RAPSN: variants seen among roughly 807,000 people sequenced by gnomAD.
The protein encoded by RAPSN is receptor associated protein of the synapse, also known as 43 kDa receptor-associated protein of the synapse.
RAPSN carries 33 observed loss-of-function variants against 45.7 expected under a neutral mutation model. That is an observed-to-expected ratio of 0.72 (90% CI 0.55 to 0.97). The LOEUF is 0.97. RAPSN is among the 50% of genes least tolerant of loss of function. The pLI is 0.00. For synonymous variants in RAPSN, 244 were observed against 233.6 expected (o/e 1.04, Z -0.40); for missense variants, 519 against 559.4 (o/e 0.93, Z 0.73).
chr11:47,439,005 C>A (rs1565682318), intron 6 of RAPSN, 74 bp from the exon 7 acceptor site: 13 of 1,472,474 alleles, frequency 8.8e-6, no homozygotes, highest in Non-Finnish European at 1.1e-5. Context: ...CCGGTCTCAG[C>A]CACTTCCCTG....
Position 47,438,836 on chromosome 11 carries a change from C to G in RAPSN, c.1062G>C (p.Glu354Asp), listed in dbSNP as rs373648358. Residue 354 changes from glutamate (E) to aspartate (D), a missense_variant, in exon 7 of 8, where the codon GAG (glutamate) becomes GAC (aspartate). Physicochemically the swap from Glu to Asp is conservative, Grantham distance 45. Coordinates refer to ENST00000298854, the MANE Select transcript of RAPSN (RefSeq NM_005055.5). ...ELRAHVVRFH[E>D]CVEETELYCG... ...AGTAGAGCTCCGTCTCCTCCACGCA[C>G]TCGTGGAACCTCACAACGTGCGCCC... The G allele has an allele frequency of 8.9e-6, 14 of 1,573,158 alleles. 1 individual carries two copies. Among genetic ancestry groups the G allele is most frequent in the Non-Finnish European group, 1.1e-5 (13 of 1,158,570 alleles).
chr11:47,441,541 C>T lies in RAPSN; in HGVS notation c.912+70G>A, dbSNP rs770067884. 44 of 1,594,614 alleles carry T rather than the reference C, an allele frequency of 2.8e-5. No individual in the cohort carries two copies. In the African/African-American group the frequency reaches 3.9e-4, roughly 14 times the overall value. On this transcript the variant is annotated intron_variant, in intron 5 of 7. Transcript: ENST00000298854. ...CGTCAGACAAAGTGGCTGAAAGAGC[C>T]GGCTAACCTACTGGCCCCAAGTGGG...
Position 47,442,665 on chromosome 11 carries a change from C to G in RAPSN, c.681G>C (p.Glu227Asp). ...TTCCCCGCTGCCCCACCTCACAACA[C>G]TCCATGGCACTGCCCAGGCGGCCCA... ...RLLGRLGSAMECCEESMKIAL... is the reference protein window; with the variant it reads ...RLLGRLGSAMDCCEESMKIAL... Residue 227 changes from glutamate (E) to aspartate (D), a missense_variant, in exon 3 of 8, where the codon GAG (glutamate) becomes GAC (aspartate). Physicochemically the swap from Glu to Asp is conservative, Grantham distance 45. Transcript: ENST00000298854. 6.2e-7 allele frequency: 1 copy of G among 1,614,158 alleles called. No homozygotes were observed. Among genetic ancestry groups the G allele is most frequent in the Non-Finnish European group, 8.5e-7 (1 of 1,180,018 alleles).
chr11:47,438,545 AC>A (rs2076332816), intron 7 of RAPSN, 186 bp downstream of exon 7: 1 of 639,538 alleles, frequency 1.6e-6, no homozygotes, highest in African/African-American at 1.9e-5. Context: ...ATGATCTTGA[AC>A]CCCGGGGCTC....
At chr11:47,440,861 C>A (rs1297077576) in intron 6 of RAPSN, among the ~76,000 whole-genome samples, 1 of 152,150 alleles carries the variant, frequency 6.6e-6, no homozygotes, top group Non-Finnish European at 1.5e-5. Flanking sequence ...CTCGGCCTCC[C>A]AAAATTCTAG....
chr11:47,446,539 T>G (rs891539207), intron 2 of RAPSN, among the ~76,000 whole-genome samples: 1 of 152,038 alleles, frequency 6.6e-6, no homozygotes, highest in African/African-American at 2.4e-5. Context: ...TTATTAAGCA[T>G]CTACTGGGGC....
At position 47,448,887 on chromosome 11, in the gene RAPSN, C is replaced by T. The variant is rs750811979; in HGVS notation, c.78G>A (p.Leu26=). 5 of 1,614,260 alleles carry T rather than the reference C, an allele frequency of 3.1e-6. No individual in the cohort carries two copies. Among genetic ancestry groups the T allele is most frequent in the Non-Finnish European group, 4.2e-6 (5 of 1,180,056 alleles). ...TCTCCAGCACCTTTGTCCACACCTG[C>T]AATGCCTTCTCTGTCTGGTTGGACT... The part of the protein sequence containing the change: ...LYQSNQTEKA[L]QVWTKVLEKS... The change falls in exon 1 of 8, where the codon TTG becomes TTA. Residue 26 remains leucine, a synonymous_variant. Transcript: ENST00000298854.
At chr11:47,448,708 G>A (rs1336280925) in intron 1 of RAPSN, 65 bp downstream of exon 1, 6 of 1,588,702 alleles carry the variant, frequency 3.8e-6, no homozygotes, top group Non-Finnish European at 5.1e-6. Context: ...AGAGGGGACT[G>A]GGGAGCCTGG....
At position 47,449,097 on chromosome 11, in the gene RAPSN, G is replaced by T; in HGVS notation, c.-133C>A. The T allele has an allele frequency of 9.1e-7, 1 of 1,095,914 alleles. No individual in the cohort carries two copies. Among genetic ancestry groups the T allele is most frequent in the Non-Finnish European group, 1.4e-6 (1 of 735,596 alleles). 67.9% of individuals were successfully genotyped at this position (1,095,914 alleles called of 1,614,324 possible). On this transcript the variant is annotated 5_prime_UTR_variant, in exon 1 of 8. Transcript: ENST00000298854. ...CAAAAGCAGCGTCGGGTGGGAGCCG[G>T]AATGGGGCCTGGATGGAGAGCAGGC...
intron 3 of RAPSN, among the ~76,000 whole-genome samples, 195 bp from the exon 4 acceptor site, chr11:47,442,116 G>T (rs1303988685): frequency 5.9e-5 from 9 of 152,236 alleles, no homozygotes; most frequent in Non-Finnish European, 1.3e-4. Context: ...GGAAAGTGAG[G>T]CTCAAAGAGA....
At position 47,448,833 on chromosome 11, in the gene RAPSN, G is replaced by A. The variant is rs772917848; in HGVS notation, c.132C>T (p.Arg44=). ...EKSSDLMGRF[R]VLGCLVTAHS... ...GGGCTGTGACCAGGCAGCCCAGCAC[G>A]CGGAAGCGCCCCATGAGGTCCGAGC... The change falls in exon 1 of 8, where the codon CGC becomes CGT. Residue 44 remains arginine, a synonymous_variant. Coordinates refer to ENST00000298854, the MANE Select transcript of RAPSN (RefSeq NM_005055.5). 16 of 1,613,904 alleles carry A rather than the reference G, an allele frequency of 9.9e-6. No individual in the cohort carries two copies. The highest frequency in any genetic ancestry group is 7.7e-5 in the South Asian group (7 of 91,086).
intron 2 of RAPSN, among the ~76,000 whole-genome samples, chr11:47,445,593 C>CAAAAAAAAAAAAAAAAAAAAAA (rs61001294): frequency 1.7e-5 from 1 of 58,330 alleles, no homozygotes; most frequent in Non-Finnish European, 3.1e-5. Flanking sequence ...GAGACTGTCT[C>CAAAAAAAAAAAAAAAAAAAAAA]AAAAAAAAAA....
chr11:47,445,593 CAAAAA>C (rs61001294), intron 2 of RAPSN, among the ~76,000 whole-genome samples: 10 of 58,322 alleles, frequency 1.7e-4, no homozygotes, highest in African/African-American at 6.7e-4. Context: ...GAGACTGTCT[CAAAAA>C]AAAAAAAAAA....
At chr11:47,443,614 T>A (rs182536589) in intron 2 of RAPSN, among the ~76,000 whole-genome samples, 21 of 152,212 alleles carry the variant, frequency 1.4e-4, no homozygotes, top group Admixed American at 1.2e-3. Context: ...TGCAAACATG[T>A]CTGGCATTTC....
chr11:47,448,478 G>A (rs954719068), intron 1 of RAPSN, among the ~76,000 whole-genome samples: 2 of 127,318 alleles, frequency 1.6e-5, no homozygotes, highest in Non-Finnish European at 3.1e-5. Context: ...CAGAACACCA[G>A]ACAGGAAGGC....
At position 47,437,869 on chromosome 11, in the gene RAPSN, A is replaced by G. The variant is rs761435259; in HGVS notation, c.*106T>C. The G allele has an allele frequency of 8.3e-5, 118 of 1,423,948 alleles. No individual in the cohort carries two copies. In the African/African-American group the frequency reaches 1.5e-3, roughly 19 times the overall value. The allele number at this position is 1,423,948 out of a possible 1,614,324, so 88.2% of individuals were successfully genotyped here. A position where few individuals can be genotyped will look rare whatever the true frequency, so the allele number is the denominator to read the frequency against. ...CTGGGCAGGCCCCAAGGCCTTGGCT[A>G]TGGTGAGGACGACCTGGCAGCTGCC... is the stretch of plus-strand genomic sequence containing the variant. On this transcript the variant is annotated 3_prime_UTR_variant, in exon 8 of 8. Transcript: ENST00000298854.
In RAPSN at chr11:47,438,194, C is replaced by G. The variant is rs2076328607; in HGVS notation, c.1167-147G>C. On this transcript the variant is annotated intron_variant, in intron 7 of 7. Transcript: ENST00000298854. ...GTGGAAGGGAAGGGAACGGTCCCCC[C>G]AGGCTCCCACTGCACCCGGCTTGCC... 2.8e-5 allele frequency: 27 copies of G among 964,412 alleles called. 1 individual carries two copies. In the South Asian group the frequency reaches 3.6e-4, roughly 13 times the overall value. The allele number at this position is 964,412 out of a possible 1,614,324, so 59.7% of individuals were successfully genotyped here.
rs1437018541 is a variant in RAPSN at position 47,442,776 on chromosome 11, T to A, written c.570A>T (p.Ala190=). 6.2e-7 allele frequency: 1 copy of A among 1,614,278 alleles called. No homozygotes were observed. Among genetic ancestry groups the A allele is most frequent in the African/African-American group, 1.3e-5 (1 of 75,076 alleles). ...CTTTGCCATAGTTGTTGACAAGCTC[T>A]GCCGCCTTGCAGGGGAAGAACAGGG... ...EKALFFPCKA[A]ELVNNYGKGW... Residue 190 remains alanine, a synonymous_variant, in exon 3 of 8, where the codon GCA becomes GCT. Transcript: ENST00000298854.
intron 6 of RAPSN, among the ~76,000 whole-genome samples, 174 bp downstream of exon 6, chr11:47,440,985 C>G (rs1207911913): frequency 2.0e-5 from 3 of 152,182 alleles, no homozygotes; most frequent in African/African-American, 7.2e-5. Context: ...GCCCTGCCCT[C>G]AGAAGTGCTG....
Sources: gnomAD v4.1 joint callset for allele counts (sites outside exome capture counted in the v4.1 genomes callset) on GRCh38, gnomAD v4.1.1 for gene constraint, MANE v1.5 for transcripts, NCBI Gene and HGNC (gene_info 2026-07-23, HGNC 2026-07-21) for gene names.